RGS12: variants seen among roughly 807,000 people sequenced by gnomAD.
The protein encoded by RGS12 is regulator of G-protein signaling 12.
Under a neutral mutation model 120.1 loss-of-function variants are expected in RGS12, and 66 were observed. The observed-to-expected ratio is 0.55, with a 90% CI of 0.45 to 0.67. RGS12 has a LOEUF of 0.67. RGS12 is among the 30% of genes least tolerant of loss of function. RGS12 has a pLI of 0.00. For missense variants in RGS12, 1,859 were observed against 1,957.7 expected (o/e 0.95, Z 0.95); for synonymous variants, 827 against 804.7 (o/e 1.03, Z -0.47).
At chr4:3,311,215 G>A (rs1372907590) in intron 1 of RGS12, among the ~76,000 whole-genome samples, 3 of 152,184 alleles carry the variant, frequency 2.0e-5, no homozygotes, top group Admixed American at 1.3e-4. Flanking sequence ...TGTGTGCACG[G>A]GCAGTGCGGA....
chr4:3,363,413 C>T (rs1715929990), intron 3 of RGS12, among the ~76,000 whole-genome samples: 3 of 152,092 alleles, frequency 2.0e-5, no homozygotes, highest in South Asian at 4.2e-4. Flanking sequence ...CTTTGACGTT[C>T]GTTTTGGGCT....
intron 2 of RGS12, among the ~76,000 whole-genome samples, chr4:3,321,013 C>T (rs986712321): frequency 2.0e-5 from 3 of 152,122 alleles, no homozygotes; most frequent in Non-Finnish European, 4.4e-5. Context: ...GCGAGCTTCA[C>T]GTGACTCCGG....
In RGS12 at chr4:3,378,824, A is replaced by G. The variant is rs192435205; in HGVS notation, c.1999-7592A>G. ...TGGTGGGAATGTAAATTGTACAGCC[A>G]TTGTGGAAAACAGCATGGAGGTTCC... On this transcript the variant is annotated intron_variant, in intron 3 of 17. Transcript: ENST00000336727. 3.9e-3 allele frequency among the ~76,000 whole-genome samples: 592 copies of G among 152,348 alleles called. 2 individuals carry two copies. Among genetic ancestry groups the G allele is most frequent in the Middle Eastern group, 0.024 (7 of 294 alleles).
intron 4 of RGS12, among the ~76,000 whole-genome samples, chr4:3,397,390 G>A: frequency 6.6e-6 from 1 of 152,264 alleles, no homozygotes; most frequent in East Asian, 1.9e-4. Context: ...ACAGATGGGT[G>A]AGGATTAACC....
At chr4:3,297,787 G>T (rs953367481) in intron 1 of RGS12, among the ~76,000 whole-genome samples, 1 of 152,068 alleles carries the variant, frequency 6.6e-6, no homozygotes, top group African/African-American at 2.4e-5. Flanking sequence ...TGCATTTCCC[G>T]CTGCTGTCCT....
Position 3,439,765 on chromosome 4 carries a change from C to A in RGS12, c.*81C>A. On this transcript the variant is annotated 3_prime_UTR_variant, in exon 18 of 18. Transcript: ENST00000336727. ...TGGATTCTGTGGGCCTCAGGGGGGC[C>A]ACCCTGGCCACCACACCCTCAGGAG... The A allele has an allele frequency of 7.6e-7, 1 of 1,307,920 alleles. No individual in the cohort carries two copies. 81.0% of individuals were successfully genotyped at this position (1,307,920 alleles called of 1,614,324 possible). A position where few individuals can be genotyped will look rare whatever the true frequency, so the allele number is the denominator to read the frequency against.
intron 2 of RGS12, among the ~76,000 whole-genome samples, chr4:3,335,862 G>A (rs1326576363): frequency 2.0e-5 from 3 of 152,168 alleles, no homozygotes; most frequent in Non-Finnish European, 2.9e-5. Context: ...GGCCAAGGCA[G>A]GCCGATCATT....
At chr4:3,340,293 CG>C (rs1297520326) in intron 2 of RGS12, among the ~76,000 whole-genome samples, 1 of 152,248 alleles carries the variant, frequency 6.6e-6, no homozygotes, top group Non-Finnish European at 1.5e-5. Flanking sequence ...CTGCTGCTGT[CG>C]TCCCATGGCA....
intron 17 of RGS12, among the ~76,000 whole-genome samples, chr4:3,438,004 C>A (rs561162912): frequency 5.1e-4 from 78 of 152,300 alleles, no homozygotes; most frequent in African/African-American, 1.7e-3. Context: ...GCAGCAAGGA[C>A]CCTGCGGCCA....
rs1723129629 is a variant in RGS12, at chr4:3,293,027, C to G, written c.-174C>G. On this transcript the variant is annotated 5_prime_UTR_variant, in exon 1 of 18. Coordinates refer to ENST00000336727, the MANE Select transcript of RGS12 (RefSeq NM_001394154.1). ...CTCGACCCCGGGGGGCGGTGGCTGCCGAGGCGACCGTTGCGCGCGCGGGCG... is the reference window on the plus strand; with the variant it reads ...CTCGACCCCGGGGGGCGGTGGCTGCGGAGGCGACCGTTGCGCGCGCGGGCG... The G allele has an allele frequency of 6.7e-6, 1 of 149,108 alleles. No individual in the cohort carries two copies. Among genetic ancestry groups the G allele is most frequent in the African/African-American group, 2.4e-5 (1 of 41,098 alleles). The allele number at this position is 149,108 out of a possible 1,614,324, so 9.2% of individuals were successfully genotyped here.
chr4:3,417,385 C>T lies in RGS12; in HGVS notation c.2608-3C>T, dbSNP rs753614421. 6.4e-7 allele frequency: 1 copy of T among 1,567,196 alleles called. No individual in the cohort carries two copies. The highest frequency in any genetic ancestry group is 1.2e-5 in the South Asian group (1 of 86,622). On this transcript the variant is annotated splice_polypyrimidine_tract_variant and splice_region_variant and intron_variant, in intron 8 of 17. Transcript: ENST00000336727. ...TTTAACCAAGGTTTCCATTTGATGA[C>T]AGTTAAGTGGAAAATCAAAATCCGG... is the stretch of plus-strand genomic sequence containing the variant.
chr4:3,381,996 A>G (rs775666354), intron 3 of RGS12, among the ~76,000 whole-genome samples: 4 of 152,236 alleles, frequency 2.6e-5, no homozygotes, highest in Admixed American at 6.5e-5. Flanking sequence ...GCCAGCACCC[A>G]GCACCACTTT....
Position 3,369,407 on chromosome 4 carries a change from C to G in RGS12, c.1999-17009C>G, listed in dbSNP as rs150526874. On this transcript the variant is annotated intron_variant, in intron 3 of 17. Coordinates refer to ENST00000336727, the MANE Select transcript of RGS12 (RefSeq NM_001394154.1). ...CAGAGCTGGCACAGTTCCTTCCCAG[C>G]TGGCAGCCCAACCCCAGACCCCAGA... 8.0e-3 allele frequency among the ~76,000 whole-genome samples: 1,214 copies of G among 152,344 alleles called. 8 individuals are homozygous for G. Among genetic ancestry groups the G allele is most frequent in the Middle Eastern group, 0.017 (5 of 294 alleles).
chr4:3,413,877 T>G, intron 4 of RGS12, 195 bp from the exon 5 acceptor site: 1 of 579,316 alleles, frequency 1.7e-6, no homozygotes, highest in Non-Finnish European at 3.0e-6. Context: ...GGGTCTGTGT[T>G]TTGTTCCCTG....
At chr4:3,300,003 T>TAGAA (rs1382326445) in intron 1 of RGS12, among the ~76,000 whole-genome samples, 1 of 152,204 alleles carries the variant, frequency 6.6e-6, no homozygotes, top group Non-Finnish European at 1.5e-5. Flanking sequence ...CCCACAGTCT[T>TAGAA]TTCTAACTCT....
Position 3,390,220 on chromosome 4 carries a change from A to T in RGS12, c.2020+3783A>T, listed in dbSNP as rs928910790. Among the ~76,000 whole-genome samples the T allele has an allele frequency of 6.6e-6, 1 of 152,024 alleles. No homozygotes were observed. Among genetic ancestry groups the T allele is most frequent in the Non-Finnish European group, 1.5e-5 (1 of 68,000 alleles). ...CTTCCCTTCCTGACCACCTGCCCCC[A>T]TCCTGAGCGATGGCCACTGTCAATT... is the stretch of plus-strand genomic sequence containing the variant. On this transcript the variant is annotated intron_variant, in intron 4 of 17. Coordinates refer to ENST00000336727, the MANE Select transcript of RGS12 (RefSeq NM_001394154.1). The surrounding 1 kb of genome is among the most constrained non-coding windows in gnomAD (Gnocchi z 4.6).
At chr4:3,417,181 CG>C (rs1441342683) in intron 8 of RGS12, 89 bp downstream of exon 8, 1 of 1,402,536 alleles carries the variant, frequency 7.1e-7, no homozygotes, top group Non-Finnish European at 9.5e-7. Context: ...GAGGCCCTGT[CG>C]GCGTCTTCAC....
intron 1 of RGS12, among the ~76,000 whole-genome samples, chr4:3,309,977 C>CTGGAATGGCAGGTGTCCGCTGA (rs1724265426): frequency 2.0e-5 from 2 of 97,914 alleles, no homozygotes; most frequent in Non-Finnish European, 4.2e-5. Flanking sequence ...AGCTGGGACC[C>CTGGAATGGCAGGTGTCCGCTGA]GGGAATGGCA....
At chr4:3,413,938 T>C (rs1168204657) in intron 4 of RGS12, 134 bp from the exon 5 acceptor site, 13 of 862,968 alleles carry the variant, frequency 1.5e-5, no homozygotes, top group Non-Finnish European at 2.1e-5. Context: ...GTGCTGTGCA[T>C]AGTTGTTGAC....
Sources: allele counts gnomAD v4.1 joint callset (sites outside exome capture counted in the v4.1 genomes callset), GRCh38; gene constraint gnomAD v4.1.1; non-coding constraint Gnocchi (gnomAD v3.1); transcripts MANE v1.5; gene names NCBI Gene and HGNC (gene_info 2026-07-23, HGNC 2026-07-21).